The following SLC25A13 variants were observed in gnomAD, a reference collection of about 807,000 sequenced individuals.
SLC25A13 encodes the protein solute carrier family 25 member 13, also known as electrogenic aspartate/glutamate antiporter SLC25A13, mitochondrial.
Under a neutral mutation model 85.5 loss-of-function variants are expected in SLC25A13, and 70 were observed. That is an observed-to-expected ratio of 0.82 (90% confidence interval 0.68 to 1.00). SLC25A13 has a LOEUF of 1.00. SLC25A13 is among the 50% of genes least tolerant of loss of function. SLC25A13 has a pLI of 0.00. For synonymous variants in SLC25A13, 259 were observed against 288.7 expected, an observed-to-expected ratio of 0.90 and a Z score of 1.04; for missense variants, 765 against 819.8, an observed-to-expected ratio of 0.93 and a Z score of 0.82.
intron 1 of SLC25A13, among the ~76,000 whole-genome samples, chr7:96,300,933 T>C (rs1346172955): frequency 1.3e-5 from 2 of 152,212 alleles, no homozygotes; most frequent in Non-Finnish European, 2.9e-5. Context: ...CTACCTCCCA[T>C]TCCTATCTTC....
At chr7:96,243,543 T>C (rs1410734652) in intron 3 of SLC25A13, among the ~76,000 whole-genome samples, 1 of 152,046 alleles carries the variant, frequency 6.6e-6, no homozygotes, top group African/African-American at 2.4e-5. Context: ...AAACACTCAT[T>C]TGGTTTTTTT....
intron 1 of SLC25A13, among the ~76,000 whole-genome samples, chr7:96,305,134 C>A (rs1799696229): frequency 6.6e-6 from 1 of 152,020 alleles, no homozygotes; most frequent in African/African-American, 2.4e-5. Flanking sequence ...GTAATATCCC[C>A]ACTTTTCAAA....
In SLC25A13 at chr7:96,315,150, G is replaced by C. The variant is rs116699020; in HGVS notation, c.15+6792C>G. Reference sequence around the variant, plus strand: ...TAAGCACCCTGGAGACACCAGGCAGGACTAAGACAAAGCTGTCAAGAAAGA... The same window carrying C: ...TAAGCACCCTGGAGACACCAGGCAGCACTAAGACAAAGCTGTCAAGAAAGA... On this transcript the variant is annotated intron_variant, in intron 1 of 17. Coordinates refer to ENST00000265631, the MANE Select transcript of SLC25A13 (RefSeq NM_014251.3). Among the ~76,000 whole-genome samples the C allele has an allele frequency of 2.5e-3, 375 of 152,240 alleles. 1 individual carries two copies. Among genetic ancestry groups the C allele is most frequent in the African/African-American group, 8.7e-3 (361 of 41,532 alleles).
intron 5 of SLC25A13, among the ~76,000 whole-genome samples, chr7:96,196,762 C>T (rs1360474782): frequency 1.3e-5 from 2 of 152,176 alleles, no homozygotes; most frequent in African/African-American, 4.8e-5. Context: ...TGAAAACACG[C>T]AGTTAGGTGG....
At chr7:96,265,962 T>A (rs1403490092) in intron 3 of SLC25A13, among the ~76,000 whole-genome samples, 2 of 152,108 alleles carry the variant, frequency 1.3e-5, no homozygotes, top group African/African-American at 2.4e-5. Flanking sequence ...AAGGTACTAA[T>A]CCTATCTGTG....
rs538858331 is a variant in SLC25A13 at position 96,267,164 on chromosome 7, C to T, written c.212+10032G>A. On this transcript the variant is annotated intron_variant, in intron 3 of 17. Coordinates refer to ENST00000265631, the MANE Select transcript of SLC25A13 (RefSeq NM_014251.3). Reference sequence around the variant, plus strand: ...GAACTGCTGATGTTTAAATATATTACCCTAATATTCTTTAAGTATTGCCAA... The same window carrying T: ...GAACTGCTGATGTTTAAATATATTATCCTAATATTCTTTAAGTATTGCCAA... Among the ~76,000 whole-genome samples, 7 of 152,194 alleles carry T rather than the reference C, an allele frequency of 4.6e-5. No homozygotes were observed. The South Asian group carries it at 1.2e-3, about 27-fold the overall frequency.
At chr7:96,223,672 CG>C (rs1166958388) in intron 4 of SLC25A13, among the ~76,000 whole-genome samples, 3 of 151,958 alleles carry the variant, frequency 2.0e-5, no homozygotes, top group Non-Finnish European at 2.9e-5. Context: ...CCTGTAGTCC[CG>C]GCTACCCGGG....
chr7:96,289,345 G>C (rs1213526058), intron 2 of SLC25A13, among the ~76,000 whole-genome samples: 1 of 152,182 alleles, frequency 6.6e-6, no homozygotes. Flanking sequence ...CTAAAAATCA[G>C]AGCACCTCTC....
At chr7:96,266,403 C>T (rs990904781) in intron 3 of SLC25A13, among the ~76,000 whole-genome samples, 1 of 152,156 alleles carries the variant, frequency 6.6e-6, no homozygotes, top group East Asian at 1.9e-4. Context: ...TTGGCATTCA[C>T]CTAGAAAAGA....
intron 3 of SLC25A13, among the ~76,000 whole-genome samples, chr7:96,273,920 CAT>C (rs1798342094): frequency 6.6e-6 from 1 of 152,172 alleles, no homozygotes; most frequent in African/African-American, 2.4e-5. Flanking sequence ...CTGTGTTTTG[CAT>C]AGTTTCAGCT....
chr7:96,123,827 T>C (rs1791617403), intron 15 of SLC25A13, among the ~76,000 whole-genome samples: 1 of 152,212 alleles, frequency 6.6e-6, no homozygotes, highest in Non-Finnish European at 1.5e-5. Flanking sequence ...ACCAGAGAGC[T>C]GTTGATTTTG....
chr7:96,159,739 A>T (rs889969102), intron 13 of SLC25A13, among the ~76,000 whole-genome samples: 1 of 152,194 alleles, frequency 6.6e-6, no homozygotes, highest in Non-Finnish European at 1.5e-5. Context: ...TAAGTGAAAA[A>T]TGTGTTACTA....
intron 1 of SLC25A13, among the ~76,000 whole-genome samples, chr7:96,317,713 T>C (rs1417034526): frequency 1.3e-5 from 2 of 152,038 alleles, no homozygotes; most frequent in African/African-American, 4.8e-5. Flanking sequence ...CCCCCTGGAA[T>C]GGTTTTGGTT....
chr7:96,267,697 G>A (rs1460667651), intron 3 of SLC25A13, among the ~76,000 whole-genome samples: 6 of 151,248 alleles, frequency 4.0e-5, no homozygotes, highest in East Asian at 3.9e-4. Flanking sequence ...GCCTATAATC[G>A]CAGCTACTGG....
chr7:96,203,825 T>C (rs1795355849), intron 5 of SLC25A13, among the ~76,000 whole-genome samples: 1 of 152,214 alleles, frequency 6.6e-6, no homozygotes, highest in South Asian at 2.1e-4. Flanking sequence ...TGATCGCATC[T>C]GGCAATTAAT....
chr7:96,173,951 C>T (rs1328739362), intron 11 of SLC25A13, among the ~76,000 whole-genome samples: 4 of 152,154 alleles, frequency 2.6e-5, no homozygotes, highest in Non-Finnish European at 4.4e-5. Context: ...GAAAAGATGT[C>T]ATGGGTGGAG....
intron 3 of SLC25A13, among the ~76,000 whole-genome samples, chr7:96,267,743 AG>A (rs533703942): frequency 3.3e-5 from 5 of 150,146 alleles, no homozygotes; most frequent in African/African-American, 1.2e-4. Context: ...GAGCCCAGTA[AG>A]GGAGGTTGCA....
chr7:96,208,738 C>G, intron 5 of SLC25A13, 100 bp downstream of exon 5: 1 of 1,354,264 alleles, frequency 7.4e-7, no homozygotes, highest in African/African-American at 1.4e-5. Flanking sequence ...ATCTCCTGAC[C>G]TCGTCATCCG....
At chr7:96,311,047 CA>C (rs1799928367) in intron 1 of SLC25A13, among the ~76,000 whole-genome samples, 1 of 152,094 alleles carries the variant, frequency 6.6e-6, no homozygotes, top group African/African-American at 2.4e-5. Context: ...TTTTTTATAA[CA>C]ATGATATATA....
Sources: allele counts gnomAD v4.1 joint callset (sites outside exome capture counted in the v4.1 genomes callset), GRCh38; gene constraint gnomAD v4.1.1; transcripts MANE v1.5; gene names NCBI Gene and HGNC (gene_info 2026-07-23, HGNC 2026-07-21).